Variants in SS18L1 observed in about 807,000 individuals in gnomAD.
SS18L1 encodes SS18L1 subunit of BAF chromatin remodeling complex, also known as calcium-responsive transactivator.
A neutral mutation model predicts 70.3 loss-of-function variants in SS18L1; 32 were observed. That is an observed-to-expected ratio of 0.46 (90% CI 0.34 to 0.61). The LOEUF (loss-of-function observed/expected upper bound fraction) is 0.61, where lower values mean the gene tolerates loss of function less well. Among genes scored for constraint, SS18L1 ranks in the 20% least tolerant of loss-of-function variants. The pLI is 0.01. For synonymous variants in SS18L1, 237 were observed against 229.7 expected, an observed-to-expected ratio of 1.03 and a Z score of -0.29; for missense variants, 430 against 542.1, an observed-to-expected ratio of 0.79 and a Z score of 2.05.
At chr20:62,166,061 G>A (rs1343224601) in intron 8 of SS18L1, among the ~76,000 whole-genome samples, 1 of 152,222 alleles carries the variant, frequency 6.6e-6, no homozygotes, top group South Asian at 2.1e-4. Flanking sequence ...GGGTGGACTT[G>A]CCCCTTTCTG....
rs576768184 is a variant in SS18L1 at position 62,179,609 on chromosome 20, C to T, written c.*401C>T. On this transcript the variant is annotated 3_prime_UTR_variant, in exon 11 of 11. Transcript: ENST00000331758. ...AACAGACGTTAGGTCTCATTTTCCT[C>T]CTCATGCAGTGTTGTAGTGTGGGTT... is the stretch of plus-strand genomic sequence containing the variant. 2.2e-4 allele frequency: 63 copies of T among 289,608 alleles called. No individual in the cohort carries two copies. Among genetic ancestry groups the T allele is most frequent in the Non-Finnish European group, 3.6e-4 (55 of 151,672 alleles). The allele number at this position is 289,608 out of a possible 1,614,324, so 17.9% of individuals were successfully genotyped here.
chr20:62,164,300 G>A, intron 7 of SS18L1, 54 bp downstream of exon 7: 1 of 904,214 alleles, frequency 1.1e-6, no homozygotes, highest in African/African-American at 1.8e-5. Context: ...AGCTGCAGGG[G>A]CAAGGAGGGC....
chr20:62,177,461 A>T (rs1326484307), intron 10 of SS18L1, among the ~76,000 whole-genome samples: 1 of 152,166 alleles, frequency 6.6e-6, no homozygotes, highest in African/African-American at 2.4e-5. Flanking sequence ...AGCTCTGGGA[A>T]TGAGAATGTG....
At chr20:62,167,050 T>G (rs1250327610) in intron 8 of SS18L1, among the ~76,000 whole-genome samples, 9 of 134,332 alleles carry the variant, frequency 6.7e-5, no homozygotes, top group Non-Finnish European at 1.3e-4. Context: ...TTGTTTTTTT[T>G]TTTTTTTTTT....
intron 1 of SS18L1, among the ~76,000 whole-genome samples, chr20:62,146,776 C>T (rs903237449): frequency 5.3e-5 from 8 of 151,956 alleles, no homozygotes; most frequent in East Asian, 1.9e-4. Context: ...CGTGCCACCA[C>T]GCCCGGCTAA....
At chr20:62,145,822 G>C (rs2057014653) in intron 1 of SS18L1, among the ~76,000 whole-genome samples, 1 of 152,188 alleles carries the variant, frequency 6.6e-6, no homozygotes. Context: ...TGGGAGGTGT[G>C]AGAAGGCTGA....
chr20:62,169,047 G>T (rs1375925179), intron 8 of SS18L1, among the ~76,000 whole-genome samples: 1 of 152,168 alleles, frequency 6.6e-6, no homozygotes, highest in East Asian at 1.9e-4. Context: ...CAGGAGCATC[G>T]GGATGTGGTG....
chr20:62,155,456 C>T (rs1013016857), intron 1 of SS18L1, among the ~76,000 whole-genome samples: 3 of 152,320 alleles, frequency 2.0e-5, no homozygotes, highest in African/African-American at 7.2e-5. Context: ...GCATAACCTT[C>T]ATCTTTGGAT....
intron 3 of SS18L1, among the ~76,000 whole-genome samples, 164 bp downstream of exon 3, chr20:62,160,125 C>T (rs561560499): frequency 6.7e-6 from 1 of 150,018 alleles, no homozygotes; most frequent in Non-Finnish European, 1.5e-5. Context: ...GGTGACCAAC[C>T]CTTCCTGACA....
intron 8 of SS18L1, among the ~76,000 whole-genome samples, chr20:62,167,038 GT>G (rs201677571): frequency 1.9e-3 from 207 of 110,940 alleles, no homozygotes; most frequent in African/African-American, 6.9e-3. Flanking sequence ...TCAGGAGTTT[GT>G]TTGTTTTTTT....
intron 3 of SS18L1, 91 bp downstream of exon 3, chr20:62,160,052 C>A: frequency 7.4e-7 from 1 of 1,342,536 alleles, no homozygotes. Flanking sequence ...TCTCAGGTAG[C>A]AAAGATGACT....
At chr20:62,167,734 C>T (rs1012588867) in intron 8 of SS18L1, among the ~76,000 whole-genome samples, 16 of 152,266 alleles carry the variant, frequency 1.1e-4, no homozygotes, top group South Asian at 2.1e-4. Flanking sequence ...TGTCCACATG[C>T]GTCTGCCCAA....
intron 10 of SS18L1, among the ~76,000 whole-genome samples, chr20:62,177,663 A>C (rs1318738693): frequency 6.6e-6 from 1 of 152,202 alleles, no homozygotes; most frequent in African/African-American, 2.4e-5. Context: ...TTGCTGCCCA[A>C]GGAATTCTGC....
chr20:62,167,893 GCAGCCTGGAAATCC>G (rs2057463522), intron 8 of SS18L1, among the ~76,000 whole-genome samples: 1 of 150,942 alleles, frequency 6.6e-6, no homozygotes, highest in African/African-American at 2.4e-5. Context: ...GTGGCACACT[GCAGCCTGGAAATCC>G]CAGGCTCAAG....
Position 62,181,579 on chromosome 20 carries a change from G to C in SS18L1, c.*2371G>C, listed in dbSNP as rs976407818. The C allele has an allele frequency of 4.7e-6, 1 of 211,884 alleles. No individual in the cohort carries two copies. Among genetic ancestry groups the C allele is most frequent in the Non-Finnish European group, 9.6e-6 (1 of 104,640 alleles). The allele number at this position is 211,884 out of a possible 1,614,324, so 13.1% of individuals were successfully genotyped here. ...AAATGTCTTACATTAAGAATATCTTGAATGTTGTGTATATATTTTAAAAAG... is the reference window on the plus strand; with the variant it reads ...AAATGTCTTACATTAAGAATATCTTCAATGTTGTGTATATATTTTAAAAAG... On this transcript the variant is annotated 3_prime_UTR_variant, in exon 11 of 11. Coordinates refer to ENST00000331758, the MANE Select transcript of SS18L1 (RefSeq NM_198935.3).
At chr20:62,163,687 G>A (rs1349017118) in intron 6 of SS18L1, 65 bp downstream of exon 6, 9 of 1,462,210 alleles carry the variant, frequency 6.2e-6, no homozygotes, top group African/African-American at 4.2e-5. Context: ...GTGCCAGGCT[G>A]TGTGTGCTTC....
At chr20:62,163,674 G>A in intron 6 of SS18L1, 52 bp downstream of exon 6, 1 of 1,484,350 alleles carries the variant, frequency 6.7e-7, no homozygotes. Context: ...CGCGGGTCGT[G>A]AAGTGCCAGG....
intron 1 of SS18L1, chr20:62,154,452 C>G (rs991321933): frequency 9.7e-7 from 1 of 1,032,494 alleles, no homozygotes; most frequent in South Asian, 4.6e-5. Context: ...GTAGCCCTTC[C>G]GGAAACCTCC....
chr20:62,163,361 T>C (rs2057366782), intron 5 of SS18L1, 97 bp from the exon 6 acceptor site: 1 of 1,518,526 alleles, frequency 6.6e-7, no homozygotes, highest in South Asian at 1.2e-5. Context: ...CACAGGAAAA[T>C]AACGAGGAAC....
Sources: allele counts gnomAD v4.1 joint callset (sites outside exome capture counted in the v4.1 genomes callset), GRCh38; gene constraint gnomAD v4.1.1; transcripts MANE v1.5; gene names NCBI Gene and HGNC (gene_info 2026-07-23, HGNC 2026-07-21).